DPAGT1: variants seen among roughly 807,000 people sequenced by gnomAD.
DPAGT1 encodes dolichyl-phosphate N-acetylglucosaminephosphotransferase 1.
A neutral mutation model predicts 39.3 loss-of-function variants in DPAGT1; 25 were observed. The ratio of observed to expected loss-of-function variants is 0.64; its 90% confidence interval spans 0.46 to 0.89. The LOEUF is 0.89. Among genes scored for constraint, DPAGT1 ranks in the 40% least tolerant of loss-of-function variants. The pLI is 0.00. For synonymous variants in DPAGT1, 193 were observed against 201.4 expected, an observed-to-expected ratio of 0.96 and a Z score of 0.36; for missense variants, 381 against 500.6, an observed-to-expected ratio of 0.76 and a Z score of 2.28.
chr11:119,095,518 C>T, downstream of DPAGT1: 4 of 1,075,760 alleles, frequency 3.7e-6, no homozygotes, highest in East Asian at 2.7e-5. Context: ...CACACCTCTG[C>T]GCCCTCCTGA....
In DPAGT1 at chr11:119,096,556, C is replaced by A; in HGVS notation, c.*442G>T. The A allele has an allele frequency of 4.0e-6, 1 of 246,922 alleles. No individual in the cohort carries two copies. The highest frequency in any genetic ancestry group is 8.0e-6 in the Non-Finnish European group (1 of 125,224). The allele number at this position is 246,922 out of a possible 1,614,324, so 15.3% of individuals were successfully genotyped here. A position where few individuals can be genotyped will look rare whatever the true frequency, so the allele number is the denominator to read the frequency against. On this transcript the variant is annotated 3_prime_UTR_variant, in exon 9 of 9. Transcript: ENST00000354202. Reference sequence around the variant, plus strand: ...TTGTCTCCATTGAGAGCATGTGGCCCCCTGCTTAGTTCTTACTAATCAGAA... The same window carrying A: ...TTGTCTCCATTGAGAGCATGTGGCCACCTGCTTAGTTCTTACTAATCAGAA...
chr11:119,094,776 G>T (rs1289763384), downstream of DPAGT1: 11 of 622,232 alleles, frequency 1.8e-5, no homozygotes, highest in Non-Finnish European at 2.6e-5. Context: ...GACGGGAGCG[G>T]GGGCGGGCGG....
downstream of DPAGT1, among the ~76,000 whole-genome samples, chr11:119,096,003 T>C (rs1292337890): frequency 6.6e-6 from 1 of 152,170 alleles, no homozygotes; most frequent in Non-Finnish European, 1.5e-5. Context: ...ACTGGCTCTG[T>C]CACCCAGGCT....
chr11:119,101,311 C>T, intron 1 of DPAGT1, 173 bp from the exon 2 acceptor site: 1 of 1,379,796 alleles, frequency 7.2e-7, no homozygotes. Context: ...CAGATATACC[C>T]AAGGGTCCCT....
rs113165335 is a variant in DPAGT1 at position 119,101,683 on chromosome 11, C to T, written c.-28G>A. The T allele has an allele frequency of 2.9e-5, 47 of 1,614,130 alleles. No individual in the cohort carries two copies. In the African/African-American group the frequency reaches 3.9e-4, roughly 13 times the overall value. On this transcript the variant is annotated 5_prime_UTR_variant, in exon 1 of 9. Transcript: ENST00000354202. Reference sequence around the variant, plus strand: ...TGACCGGTCAGGGGCCCGGCTCCGCCGCCTCTTCAGGTAACGGGCAAGCTG... The same window carrying T: ...TGACCGGTCAGGGGCCCGGCTCCGCTGCCTCTTCAGGTAACGGGCAAGCTG...
chr11:119,100,246 C>T lies in DPAGT1; in HGVS notation c.643+16G>A, dbSNP rs1156696050. On this transcript the variant is annotated intron_variant, in intron 4 of 8. Transcript: ENST00000354202. ...AACACTCAGACTTCTCTCTCCCCAC[C>T]CCCAATCCCACCTACCTTCCAACTC... 2 of 1,614,120 alleles carry T rather than the reference C, an allele frequency of 1.2e-6. No individual in the cohort carries two copies. The highest frequency in any genetic ancestry group is 2.2e-5 in the East Asian group (1 of 44,888).
chr11:119,098,229 C>G, intron 5 of DPAGT1, 174 bp downstream of exon 5: 1 of 1,083,644 alleles, frequency 9.2e-7, no homozygotes, highest in South Asian at 1.3e-5. Context: ...TCCACGCACT[C>G]ATCCCTAACT....
Position 119,100,411 on chromosome 11 carries a change from G to A in DPAGT1, c.497-3C>T. ...CATGTAGACATAGTACAGGATTCCT[G>A]CGGGGAGAGATGGTAGGAAAAGAAG... On this transcript the variant is annotated splice_region_variant and splice_polypyrimidine_tract_variant and intron_variant, in intron 3 of 8. Coordinates refer to ENST00000354202, the MANE Select transcript of DPAGT1 (RefSeq NM_001382.4). 6.2e-7 allele frequency: 1 copy of A among 1,614,222 alleles called. No homozygotes were observed. Among genetic ancestry groups the A allele is most frequent in the East Asian group, 2.2e-5 (1 of 44,886 alleles).
chr11:119,099,177 C>A (rs1478806124), intron 4 of DPAGT1, among the ~76,000 whole-genome samples: 1 of 152,156 alleles, frequency 6.6e-6, no homozygotes, highest in Non-Finnish European at 1.5e-5. Flanking sequence ...GTAATCCCAG[C>A]ACTTTGGGAG....
intron 1 of DPAGT1, 160 bp downstream of exon 1, chr11:119,101,335 C>G (rs1356208433): frequency 6.8e-7 from 1 of 1,465,122 alleles, no homozygotes; most frequent in African/African-American, 1.4e-5. Flanking sequence ...CATCCTTTCC[C>G]CAATGCGAGT....
chr11:119,097,015 G>T lies in DPAGT1; in HGVS notation c.1210C>A (p.Leu404Ile). 1.2e-6 allele frequency: 2 copies of T among 1,614,180 alleles called. No homozygotes were observed. The highest frequency in any genetic ancestry group is 1.7e-6 in the Non-Finnish European group (2 of 1,180,032). The change falls in exon 9 of 9, where the codon CTC (leucine) becomes ATC (isoleucine). Residue 404 changes from leucine to isoleucine, a missense_variant. Leu to Ile is a conservative substitution (Grantham distance 5). Transcript: ENST00000354202. The surrounding 1 kb of genome is among the most constrained non-coding windows in gnomAD (Gnocchi z 4.6). ...TFSIRYQLVR[L>I]FYDV Reference sequence around the variant, plus strand: ...CAAGGGACTCAGACATCATAGAAGAGTCGAACGAGCTGATATCGAATGGAG... The same window carrying T: ...CAAGGGACTCAGACATCATAGAAGATTCGAACGAGCTGATATCGAATGGAG...
chr11:119,096,009 A>G (rs1461221248), downstream of DPAGT1, among the ~76,000 whole-genome samples: 1 of 152,030 alleles, frequency 6.6e-6, no homozygotes, highest in Non-Finnish European at 1.5e-5. Context: ...TCTGTCACCC[A>G]GGCTGGAGTG....
Position 119,097,117 on chromosome 11 carries a change from G to T in DPAGT1, c.1161+25C>A, listed in dbSNP as rs953075642. 7 of 1,614,116 alleles carry T rather than the reference G, an allele frequency of 4.3e-6. No individual in the cohort carries two copies. The highest frequency in any genetic ancestry group is 1.3e-5 in the African/African-American group (1 of 74,940). On this transcript the variant is annotated intron_variant, in intron 8 of 8. Coordinates refer to ENST00000354202, the MANE Select transcript of DPAGT1 (RefSeq NM_001382.4). This position sits in a 1 kb window ranked among gnomAD's most constrained non-coding sequence, Gnocchi z 4.6. ...ATCACGCAGAAAGGGAGACACGGAG[G>T]TATAAACTCGATTCCCATCCTCACC...
rs1488659042 is a variant in DPAGT1 at position 119,100,379 on chromosome 11, G to A, written c.526C>T (p.Leu176=). ...GILYYVYMGL[L]AVFCTNAINI... ...ATGGCATTGGTACAGAACACTGCCA[G>A]CAGCCCCATGTAGACATAGTACAGG... Residue 176 remains leucine (L), a synonymous_variant, in exon 4 of 9, where the codon CTG becomes TTG. Transcript: ENST00000354202. 3 of 1,614,116 alleles carry A rather than the reference G, an allele frequency of 1.9e-6. No homozygotes were observed. Among genetic ancestry groups the A allele is most frequent in the Non-Finnish European group, 2.5e-6 (3 of 1,180,056 alleles).
At chr11:119,095,599 G>A (rs907301054), downstream of DPAGT1, 16 of 536,512 alleles carry the variant, frequency 3.0e-5, no homozygotes, top group Non-Finnish European at 4.7e-5. Context: ...CTCGGCTGAG[G>A]GAGCGCGCCC....
rs1432186196 is a variant in DPAGT1 at position 119,097,536 on chromosome 11, T to C, written c.933A>G (p.Thr311=). The change falls in exon 7 of 9, where the codon ACA becomes ACG. Residue 311 remains threonine (T), a synonymous_variant. Coordinates refer to ENST00000354202, the MANE Select transcript of DPAGT1 (RefSeq NM_001382.4). The surrounding 1 kb of genome is among the most constrained non-coding windows in gnomAD (Gnocchi z 4.6). ...RHRIPRLNIK[T]GKLEMSYSKF... is the part of the protein sequence containing the mutation. Reference sequence around the variant, plus strand: ...TGGAATAGCTCATCTCCAGTTTGCCTGTCTTGATATTGAGTCTGCGGGGGG... The same window carrying C: ...TGGAATAGCTCATCTCCAGTTTGCCCGTCTTGATATTGAGTCTGCGGGGGG... 14 of 1,614,080 alleles carry C rather than the reference T, an allele frequency of 8.7e-6. No homozygotes were observed. The highest frequency in any genetic ancestry group is 8.3e-5 in the Admixed American group (5 of 60,012).
chr11:119,098,297 T>A, intron 5 of DPAGT1, 106 bp downstream of exon 5: 2 of 1,307,850 alleles, frequency 1.5e-6, no homozygotes, highest in Non-Finnish European at 2.2e-6. Flanking sequence ...GAAAACTCCA[T>A]AGAGGTATGC....
chr11:119,095,454 A>C, downstream of DPAGT1: 1 of 1,457,634 alleles, frequency 6.9e-7, no homozygotes, highest in Non-Finnish European at 9.0e-7. Flanking sequence ...CGCCCGCCGC[A>C]GTGTAACTGC....
chr11:119,100,462 T>G (rs1411532126), intron 3 of DPAGT1, 54 bp from the exon 4 acceptor site: 1 of 1,613,216 alleles, frequency 6.2e-7, no homozygotes, highest in Non-Finnish European at 8.5e-7. Context: ...GAGGAGGATT[T>G]AAGAATTTTT....
Sources: allele counts gnomAD v4.1 joint callset (sites outside exome capture counted in the v4.1 genomes callset), GRCh38; gene constraint gnomAD v4.1.1; non-coding constraint Gnocchi (gnomAD v3.1); transcripts MANE v1.5; gene names NCBI Gene and HGNC (gene_info 2026-07-23, HGNC 2026-07-21).